Variants in CCSER1 observed in about 807,000 individuals in gnomAD.
CCSER1 encodes serine-rich coiled-coil domain-containing protein 1.
CCSER1 carries 41 observed loss-of-function variants against 82.0 expected under a neutral mutation model. The ratio of observed to expected loss-of-function variants is 0.50; its 90% CI spans 0.39 to 0.65. The LOEUF is 0.65. Among genes scored for constraint, CCSER1 ranks in the 30% least tolerant of loss-of-function variants. CCSER1 has a pLI of 0.00. For missense variants in CCSER1, 1,119 were observed against 1,064.2 expected, an observed-to-expected ratio of 1.05 and a Z score of -0.72; for synonymous variants, 414 against 383.9, an observed-to-expected ratio of 1.08 and a Z score of -0.92.
At chr4:90,271,853 TA>T (rs1560919461) in intron 1 of CCSER1, among the ~76,000 whole-genome samples, 10 of 29,692 alleles carry the variant, frequency 3.4e-4, no homozygotes, top group Non-Finnish European at 5.3e-4. Context: ...TATATATATA[TA>T]TATATATATT....
chr4:90,901,572 T>C (rs1724658669), intron 8 of CCSER1, among the ~76,000 whole-genome samples: 1 of 152,116 alleles, frequency 6.6e-6, no homozygotes, highest in African/African-American at 2.4e-5. Flanking sequence ...AATTCTTGGC[T>C]GGCATGTTTT....
rs1490067395 is a variant in CCSER1 at position 90,707,050 on chromosome 4, A to G, written c.1933-16864A>G. On this transcript the variant is annotated intron_variant, in intron 6 of 10. Transcript: ENST00000509176. ...CCTCATAATTTTTGGCAGGAAGCCC[A>G]TGCCATCAGACTGTATCACTTGCTA... is the stretch of plus-strand genomic sequence containing the variant. 3.3e-5 allele frequency among the ~76,000 whole-genome samples: 5 copies of G among 152,286 alleles called. No individual in the cohort carries two copies. The South Asian group carries it at 8.3e-4, about 25-fold the overall frequency.
chr4:90,991,471 C>A (rs562881676), intron 9 of CCSER1, among the ~76,000 whole-genome samples: 12 of 152,042 alleles, frequency 7.9e-5, no homozygotes, highest in African/African-American at 2.9e-4. Context: ...TCTGGTACTT[C>A]CACGTATCCC....
At chr4:91,129,397 TTGGGGAAAGAGC>T (rs1270260956) in intron 10 of CCSER1, among the ~76,000 whole-genome samples, 3 of 151,884 alleles carry the variant, frequency 2.0e-5, no homozygotes, top group Non-Finnish European at 4.4e-5. Context: ...TAGAAAGAAG[TTGGGGAAAGAGC>T]TAGATAGCTA....
At chr4:90,701,137 A>T (rs1014397211) in intron 6 of CCSER1, among the ~76,000 whole-genome samples, 7 of 152,322 alleles carry the variant, frequency 4.6e-5, no homozygotes, top group East Asian at 3.9e-4. Context: ...GAAGTCTTTA[A>T]TCCATCTTGA....
intron 10 of CCSER1, among the ~76,000 whole-genome samples, chr4:91,312,541 A>G (rs759568254): frequency 5.9e-5 from 9 of 151,936 alleles, no homozygotes; most frequent in Non-Finnish European, 1.0e-4. Context: ...TTCAAATACC[A>G]TAAAAATGAA....
At chr4:90,665,372 A>T (rs1241082135) in intron 6 of CCSER1, among the ~76,000 whole-genome samples, 1 of 149,206 alleles carries the variant, frequency 6.7e-6, no homozygotes, top group Non-Finnish European at 1.5e-5. Flanking sequence ...CCCAGGCTGG[A>T]GTGCAGTGGC....
chr4:90,955,589 G>A (rs1210232054), intron 9 of CCSER1, among the ~76,000 whole-genome samples: 2 of 152,062 alleles, frequency 1.3e-5, no homozygotes, highest in Non-Finnish European at 2.9e-5. Flanking sequence ...TCTGCCTCAG[G>A]ACATTCCATT....
intron 8 of CCSER1, among the ~76,000 whole-genome samples, chr4:90,887,270 T>A (rs1722267325): frequency 6.6e-6 from 1 of 152,148 alleles, no homozygotes; most frequent in African/African-American, 2.4e-5. Flanking sequence ...TTTCTATTTT[T>A]GAGAAGAGTG....
intron 10 of CCSER1, among the ~76,000 whole-genome samples, chr4:91,394,097 A>G (rs528098292): frequency 6.6e-6 from 1 of 152,128 alleles, no homozygotes; most frequent in Non-Finnish European, 1.5e-5. Flanking sequence ...GAATAAGGTG[A>G]TCCTAACCTC....
intron 10 of CCSER1, among the ~76,000 whole-genome samples, chr4:91,593,014 T>A (rs1045229033): frequency 2.0e-4 from 31 of 152,178 alleles, no homozygotes; most frequent in African/African-American, 6.8e-4. Context: ...TAAAACATTA[T>A]TAAACGTTCA....
intron 1 of CCSER1, among the ~76,000 whole-genome samples, chr4:90,268,713 G>A (rs1249512393): frequency 2.0e-5 from 3 of 151,990 alleles, no homozygotes; most frequent in African/African-American, 7.2e-5. Context: ...TGAGAACATT[G>A]AATGTAAATG....
At chr4:90,933,032 G>GA (rs1259913752) in intron 9 of CCSER1, among the ~76,000 whole-genome samples, 3 of 96,392 alleles carry the variant, frequency 3.1e-5, no homozygotes, top group Non-Finnish European at 6.0e-5. Context: ...AAGAAAGAAA[G>GA]AAAGAAAGAA....
rs531325292 is a variant in CCSER1 at position 90,421,717 on chromosome 4, G to A, written c.1603+21588G>A. ...AAGAATATGGGGAAAAACATAAAAA[G>A]CATATAAAAAGTTTAGAGTTGTAGG... On this transcript the variant is annotated intron_variant, in intron 4 of 10. Transcript: ENST00000509176. Among the ~76,000 whole-genome samples the A allele has an allele frequency of 2.0e-4, 31 of 152,186 alleles. No individual in the cohort carries two copies. The South Asian group carries it at 5.8e-3, about 29-fold the overall frequency.
intron 8 of CCSER1, among the ~76,000 whole-genome samples, chr4:90,869,862 TTTC>T (rs1470225089): frequency 2.6e-5 from 4 of 151,992 alleles, no homozygotes; most frequent in African/African-American, 9.7e-5. Context: ...CATTTTTTTG[TTTC>T]TTCTTTGATT....
chr4:90,303,680 C>A (rs1733631389), intron 1 of CCSER1, among the ~76,000 whole-genome samples: 1 of 152,096 alleles, frequency 6.6e-6, no homozygotes, highest in Non-Finnish European at 1.5e-5. Flanking sequence ...AAATGTTAGA[C>A]CTAATACCAT....
intron 8 of CCSER1, among the ~76,000 whole-genome samples, chr4:90,821,399 T>C (rs747085661): frequency 6.6e-6 from 1 of 152,182 alleles, no homozygotes; most frequent in Non-Finnish European, 1.5e-5. Flanking sequence ...ATTGAGGGCA[T>C]GGAAAAGAAC....
chr4:91,546,819 A>G (rs912099627), intron 10 of CCSER1, among the ~76,000 whole-genome samples: 5 of 151,790 alleles, frequency 3.3e-5, no homozygotes, highest in African/African-American at 1.2e-4. Context: ...TATTTACATG[A>G]TTGATTTTAG....
chr4:90,219,833 C>T lies in CCSER1; in HGVS notation c.-41-88411C>T, dbSNP rs141345455. Among the ~76,000 whole-genome samples, 1,260 of 152,236 alleles carry T rather than the reference C, an allele frequency of 8.3e-3. 19 individuals are homozygous for T. The highest frequency in any genetic ancestry group is 0.029 in the African/African-American group (1,209 of 41,544). On this transcript the variant is annotated intron_variant, in intron 1 of 10. Transcript: ENST00000509176. Reference sequence around the variant, plus strand: ...AAAGTTATTGAGTTAAATGCTAGAACTCTGAGTCTTTAGATTGCTTCTATA... The same window carrying T: ...AAAGTTATTGAGTTAAATGCTAGAATTCTGAGTCTTTAGATTGCTTCTATA...
Sources: gnomAD v4.1 joint callset for allele counts (sites outside exome capture counted in the v4.1 genomes callset) on GRCh38, gnomAD v4.1.1 for gene constraint, MANE v1.5 for transcripts, NCBI Gene and HGNC (gene_info 2026-07-23, HGNC 2026-07-21) for gene names.